Variants in PIGU observed in about 807,000 individuals in gnomAD.
The protein encoded by PIGU is GPI-anchor transamidase component PIGU.
Under a neutral mutation model 49.9 loss-of-function variants are expected in PIGU, and 24 were observed. The ratio of observed to expected loss-of-function variants is 0.48; its 90% CI spans 0.35 to 0.68. The LOEUF is 0.68. Ranked by LOEUF, PIGU falls within the 30% of genes least tolerant of loss-of-function variation. The pLI, the probability that PIGU is intolerant of heterozygous loss-of-function variation, is 0.01. For missense variants in PIGU, 490 were observed against 532.6 expected (o/e 0.92, Z 0.79); for synonymous variants, 220 against 205.7 (o/e 1.07, Z -0.59).
intron 11 of PIGU, among the ~76,000 whole-genome samples, chr20:34,561,772 A>C (rs1982525405): frequency 6.6e-6 from 1 of 151,136 alleles, no homozygotes; most frequent in African/African-American, 2.4e-5. Context: ...CAGGATCTTT[A>C]CTGTTTCTTC....
In PIGU at chr20:34,639,659, C is replaced by G. The variant is rs143566081; in HGVS notation, c.319-1674G>C. On this transcript the variant is annotated intron_variant, in intron 4 of 11. Transcript: ENST00000217446. The stretch of plus-strand genomic sequence containing the variant: ...CTTTCAAAATTAAAAAAAAATTAAC[C>G]AAAAAATATTTTTAGAAGACCATCT... Among the ~76,000 whole-genome samples the G allele has an allele frequency of 7.0e-4, 107 of 151,948 alleles. 3 individuals carry two copies. In the East Asian group the frequency reaches 0.02, roughly 28 times the overall value.
intron 7 of PIGU, among the ~76,000 whole-genome samples, chr20:34,600,369 T>C (rs978297219): frequency 2.0e-5 from 3 of 150,516 alleles, no homozygotes; most frequent in Non-Finnish European, 3.0e-5. Flanking sequence ...ATCATGCCAT[T>C]GCACTCCAGC....
intron 7 of PIGU, among the ~76,000 whole-genome samples, chr20:34,604,710 A>G (rs1984550279): frequency 6.6e-6 from 1 of 152,206 alleles, no homozygotes; most frequent in Admixed American, 6.5e-5. Flanking sequence ...TTATCAAGAA[A>G]TAACTGATTG....
chr20:34,666,687 CTTTTTTTT>C (rs918644106), intron 1 of PIGU, among the ~76,000 whole-genome samples: 35 of 90,614 alleles, frequency 3.9e-4, no homozygotes, highest in African/African-American at 1.4e-3. Flanking sequence ...CTGACTAATT[CTTTTTTTT>C]TTTTTTTTTT....
chr20:34,581,479 C>T, intron 10 of PIGU, 69 bp downstream of exon 10: 1 of 1,580,548 alleles, frequency 6.3e-7, no homozygotes, highest in Non-Finnish European at 8.6e-7. Context: ...CTATGAATTC[C>T]TTTTCCCTGC....
At chr20:34,613,959 T>C (rs1984912632) in intron 7 of PIGU, among the ~76,000 whole-genome samples, 1 of 152,158 alleles carries the variant, frequency 6.6e-6, no homozygotes, top group Non-Finnish European at 1.5e-5. Flanking sequence ...ATACGACTTT[T>C]CACCTTGGGT....
At chr20:34,582,296 T>C (rs1402917294) in intron 9 of PIGU, among the ~76,000 whole-genome samples, 1 of 152,190 alleles carries the variant, frequency 6.6e-6, no homozygotes, top group East Asian at 1.9e-4. Context: ...GTGATAGCAA[T>C]GGGTATCCTC....
chr20:34,593,183 A>T (rs927312716), intron 7 of PIGU, among the ~76,000 whole-genome samples: 5 of 152,098 alleles, frequency 3.3e-5, no homozygotes, highest in African/African-American at 7.2e-5. Flanking sequence ...CAACAAATAC[A>T]AAAATTAGTA....
chr20:34,643,956 A>T (rs1986247507), intron 4 of PIGU: 3 of 441,840 alleles, frequency 6.8e-6, no homozygotes, highest in South Asian at 6.2e-5. Context: ...AGCTACATAG[A>T]TGAAGCTGGC....
intron 2 of PIGU, 23 bp from the exon 3 acceptor site, chr20:34,645,357 T>TA (rs761263646): frequency 2.2e-5 from 34 of 1,550,868 alleles, no homozygotes; most frequent in South Asian, 6.2e-5. Context: ...AACAGACATG[T>TA]AAAAAAAATT....
At chr20:34,583,801 G>A (rs549039833) in intron 9 of PIGU, among the ~76,000 whole-genome samples, 5 of 152,344 alleles carry the variant, frequency 3.3e-5, no homozygotes, top group Admixed American at 6.5e-5. Context: ...CAGAAGCCAG[G>A]CCAAGGCTGT....
chr20:34,621,454 T>C (rs1985227979), intron 6 of PIGU, among the ~76,000 whole-genome samples: 1 of 152,156 alleles, frequency 6.6e-6, no homozygotes, highest in African/African-American at 2.4e-5. Flanking sequence ...AACTATTGCA[T>C]GGCTGAGGCC....
At chr20:34,577,813 TGA>T (rs758264559) in intron 10 of PIGU, among the ~76,000 whole-genome samples, 10 of 152,172 alleles carry the variant, frequency 6.6e-5, no homozygotes, top group Non-Finnish European at 1.3e-4. Flanking sequence ...GGCATCCATA[TGA>T]GGTTTTAAAA....
At chr20:34,673,108 AC>A (rs1456816872) in intron 1 of PIGU, among the ~76,000 whole-genome samples, 1 of 151,346 alleles carries the variant, frequency 6.6e-6, no homozygotes, top group Non-Finnish European at 1.5e-5. Context: ...CAAAAAATTA[AC>A]CGGGTGTGGT....
At chr20:34,591,839 C>T (rs755973818) in intron 7 of PIGU, among the ~76,000 whole-genome samples, 7 of 152,074 alleles carry the variant, frequency 4.6e-5, no homozygotes, top group African/African-American at 7.2e-5. Flanking sequence ...CCTCATATTA[C>T]TATTTGTGTA....
intron 1 of PIGU, 101 bp from the exon 2 acceptor site, chr20:34,657,345 A>T: frequency 1.3e-6 from 1 of 755,092 alleles, no homozygotes; most frequent in Admixed American, 2.6e-5. Context: ...CGTTTATCTA[A>T]CCCCCTTTAC....
chr20:34,595,095 CAAAAAA>C (rs71194627), intron 7 of PIGU, among the ~76,000 whole-genome samples: 28 of 71,346 alleles, frequency 3.9e-4, no homozygotes, highest in South Asian at 1.3e-3. Context: ...GACTCCGTCT[CAAAAAA>C]AAAAAAAAAA....
At chr20:34,631,721 CCATATA>C (rs1341242502) in intron 6 of PIGU, among the ~76,000 whole-genome samples, 2 of 46,148 alleles carry the variant, frequency 4.3e-5, no homozygotes, top group African/African-American at 6.1e-5. Context: ...GTCCGGCTAA[CCATATA>C]TATATATATA....
intron 1 of PIGU, 108 bp downstream of exon 1, chr20:34,676,848 T>C (rs1166530615): frequency 7.5e-6 from 11 of 1,462,742 alleles, no homozygotes; most frequent in Admixed American, 5.9e-5. Flanking sequence ...GACAGTCAGT[T>C]AGTTCTCTAG....
Sources: gnomAD v4.1 joint callset for allele counts (sites outside exome capture counted in the v4.1 genomes callset) on GRCh38, gnomAD v4.1.1 for gene constraint, MANE v1.5 for transcripts, NCBI Gene and HGNC (gene_info 2026-07-23, HGNC 2026-07-21) for gene names.